The following SDK2 variants were observed in gnomAD, a reference collection of about 807,000 sequenced individuals.
SDK2 encodes protein sidekick-2.
SDK2 carries 105 observed loss-of-function variants against 253.9 expected under a neutral mutation model. The observed-to-expected ratio is 0.41, with a 90% CI of 0.35 to 0.49. The LOEUF is 0.49. Ranked by LOEUF, SDK2 falls within the 20% of genes least tolerant of loss-of-function variation. The pLI, the probability that SDK2 is intolerant of heterozygous loss-of-function variation, is 0.06. For synonymous variants in SDK2, 1,249 were observed against 1,234.9 expected (o/e 1.01, Z -0.24); for missense variants, 2,608 against 3,003.0 (o/e 0.87, Z 3.07).
In SDK2 at chr17:73,631,735, A is replaced by G. The variant is rs1249550428; in HGVS notation, c.64+12290T>C. Among the ~76,000 whole-genome samples the G allele has an allele frequency of 2.6e-5, 4 of 152,198 alleles. No individual in the cohort carries two copies. The East Asian group carries it at 7.7e-4, about 29-fold the overall frequency. ...CAAGGTGCTTGCAGCTGTATGGGGC[A>G]CCAGCCACACACAGTAAGGACCTAC... On this transcript the variant is annotated intron_variant, in intron 1 of 44. Transcript: ENST00000392650.
At chr17:73,384,061 C>T in intron 32 of SDK2, 50 bp from the exon 33 acceptor site, 1 of 1,585,272 alleles carries the variant, frequency 6.3e-7, no homozygotes, top group South Asian at 1.1e-5. Context: ...CACCACCCAC[C>T]CCTCCCCACG....
At chr17:73,564,620 T>G (rs2045284598) in intron 1 of SDK2, among the ~76,000 whole-genome samples, 1 of 151,554 alleles carries the variant, frequency 6.6e-6, no homozygotes, top group African/African-American at 2.4e-5. Context: ...AGGCCAGGAG[T>G]TTGAGACCAG....
rs559533937 is a variant in SDK2 at position 73,435,016 on chromosome 17, G to A, written c.1195+434C>T. ...ACCCCTGACAGAGACTCCAAGGGCA[G>A]AAAGGGATTTGCGAGCAGGAGAACT... On this transcript the variant is annotated intron_variant, in intron 9 of 44. Transcript: ENST00000392650. This position sits in a 1 kb window ranked among gnomAD's most constrained non-coding sequence, Gnocchi z 5.7. 1.1e-4 allele frequency among the ~76,000 whole-genome samples: 17 copies of A among 152,324 alleles called. No individual in the cohort carries two copies. The highest frequency in any genetic ancestry group is 2.2e-4 in the Non-Finnish European group (15 of 68,036).
At chr17:73,498,691 A>G (rs1388236591) in intron 2 of SDK2, among the ~76,000 whole-genome samples, 1 of 152,200 alleles carries the variant, frequency 6.6e-6, no homozygotes, top group African/African-American at 2.4e-5. Context: ...GGAGTTGCTG[A>G]TGTTAAGGGA....
At chr17:73,592,800 C>G (rs1448374431) in intron 1 of SDK2, among the ~76,000 whole-genome samples, 2 of 152,204 alleles carry the variant, frequency 1.3e-5, no homozygotes, top group African/African-American at 4.8e-5. Context: ...CCTATTGTAA[C>G]CACCGTGCGT....
intron 1 of SDK2, among the ~76,000 whole-genome samples, chr17:73,595,045 GAA>G (rs1389050419): frequency 6.6e-6 from 1 of 152,302 alleles, no homozygotes; most frequent in East Asian, 1.9e-4. Flanking sequence ...ATCACCACGA[GAA>G]AAGACTTCGG....
At chr17:73,546,320 C>T (rs752804769) in intron 1 of SDK2, among the ~76,000 whole-genome samples, 8 of 152,236 alleles carry the variant, frequency 5.3e-5, no homozygotes, top group Admixed American at 1.3e-4. Context: ...CGGGACTTGA[C>T]GGGCCTGGCG....
chr17:73,591,026 T>C (rs1008247600), intron 1 of SDK2, among the ~76,000 whole-genome samples: 3 of 152,160 alleles, frequency 2.0e-5, no homozygotes, highest in Non-Finnish European at 4.4e-5. Context: ...TTCAAGTGAT[T>C]CTCCTGCCTC....
intron 1 of SDK2, among the ~76,000 whole-genome samples, chr17:73,622,330 T>C (rs1480143555): frequency 2.0e-5 from 3 of 152,224 alleles, no homozygotes; most frequent in African/African-American, 4.8e-5. Flanking sequence ...ATGCCCCCGT[T>C]ATCTGCATGT....
chr17:73,365,854 C>T (rs377072728), intron 37 of SDK2, among the ~76,000 whole-genome samples: 7 of 152,254 alleles, frequency 4.6e-5, no homozygotes, highest in South Asian at 4.1e-4. Context: ...CCACAGCAGA[C>T]GGAGATGGCC....
Position 73,393,633 on chromosome 17 carries a change from C to G in SDK2, c.3825G>C (p.Gln1275His). The change falls in exon 27 of 45, where the codon CAG becomes CAC. Residue 1275 changes from glutamine (Q) to histidine (H), a missense_variant. Gln to His is a conservative substitution (Grantham distance 24, BLOSUM62 0). Transcript: ENST00000392650. ...GLGKYVLYEV[Q>H]VLAFTRIGDG... is the part of the protein sequence containing the mutation. ...CCCCGATGCGTGTGAAGGCCAGCAC[C>G]TGGACTTCATAGAGCACGTATTTGC... The G allele has an allele frequency of 6.3e-7, 1 of 1,598,192 alleles. No individual in the cohort carries two copies. The highest frequency in any genetic ancestry group is 2.3e-5 in the East Asian group (1 of 44,376).
chr17:73,343,639 G>A (rs576279416), intron 44 of SDK2, among the ~76,000 whole-genome samples: 3 of 152,338 alleles, frequency 2.0e-5, no homozygotes, highest in East Asian at 3.9e-4. Context: ...AATTACTGGG[G>A]TCTGCGGAGG....
At chr17:73,389,590 G>T (rs928604194) in intron 29 of SDK2, among the ~76,000 whole-genome samples, 1 of 152,216 alleles carries the variant, frequency 6.6e-6, no homozygotes, top group Non-Finnish European at 1.5e-5. Flanking sequence ...TCCCAGGCTT[G>T]CTTTTGGGGA....
chr17:73,530,829 C>T (rs1457712242), intron 1 of SDK2, among the ~76,000 whole-genome samples: 2 of 152,148 alleles, frequency 1.3e-5, no homozygotes, highest in Non-Finnish European at 2.9e-5. Flanking sequence ...CCCTTGTGGC[C>T]CCAGTAGAGC....
chr17:73,633,912 C>T (rs1002240736), intron 1 of SDK2, among the ~76,000 whole-genome samples: 2 of 151,940 alleles, frequency 1.3e-5, no homozygotes, highest in African/African-American at 4.8e-5. Flanking sequence ...ATTGGGCTGG[C>T]AGGGTGGGGA....
chr17:73,624,257 G>T (rs1181887227), intron 1 of SDK2, among the ~76,000 whole-genome samples: 1 of 152,224 alleles, frequency 6.6e-6, no homozygotes, highest in South Asian at 2.1e-4. Flanking sequence ...ACTTTGGGAG[G>T]CCAAGGCAGG....
Position 73,616,817 on chromosome 17 carries a change from G to A in SDK2, c.64+27208C>T, listed in dbSNP as rs987267957. ...GCATTCCCACCATGAGATGCCTGGG[G>A]AAGGGGTCAGATTCCAGGGCTCAGG... On this transcript the variant is annotated intron_variant, in intron 1 of 44. Coordinates refer to ENST00000392650, the MANE Select transcript of SDK2 (RefSeq NM_001144952.2). The surrounding 1 kb of genome is among the most constrained non-coding windows in gnomAD (Gnocchi z 5.2). Among the ~76,000 whole-genome samples, 7 of 152,146 alleles carry A rather than the reference G, an allele frequency of 4.6e-5. No individual in the cohort carries two copies. The highest frequency in any genetic ancestry group is 1.7e-4 in the African/African-American group (7 of 41,438).
At chr17:73,542,324 T>C (rs1234928238) in intron 1 of SDK2, among the ~76,000 whole-genome samples, 3 of 152,190 alleles carry the variant, frequency 2.0e-5, no homozygotes, top group African/African-American at 7.2e-5. Context: ...GGATGGCTGC[T>C]CCTGTGATGG....
intron 38 of SDK2, among the ~76,000 whole-genome samples, chr17:73,363,048 T>C (rs1365372682): frequency 6.6e-6 from 1 of 152,226 alleles, no homozygotes; most frequent in Admixed American, 6.5e-5. Context: ...TAACAGAGCA[T>C]GTAGGTGCCT....
Sources: allele counts gnomAD v4.1 joint callset (sites outside exome capture counted in the v4.1 genomes callset), GRCh38; gene constraint gnomAD v4.1.1; non-coding constraint Gnocchi (gnomAD v3.1); transcripts MANE v1.5; gene names NCBI Gene and HGNC (gene_info 2026-07-23, HGNC 2026-07-21).